Variants in TENM2 observed in about 807,000 individuals in gnomAD.
TENM2 encodes the protein teneurin transmembrane protein 2.
TENM2 carries 52 observed loss-of-function variants against 245.2 expected under a neutral mutation model. That is an observed-to-expected ratio of 0.21 (90% confidence interval 0.17 to 0.27). The LOEUF is 0.27. Ranked by LOEUF, TENM2 falls within the 10% of genes least tolerant of loss-of-function variation. The pLI, the probability that TENM2 is intolerant of heterozygous loss-of-function variation, is 1.00. For synonymous variants in TENM2, 1,363 were observed against 1,438.9 expected, an observed-to-expected ratio of 0.95 and a Z score of 1.19; for missense variants, 3,046 against 3,666.8, an observed-to-expected ratio of 0.83 and a Z score of 4.37.
chr5:168,091,122 G>C (rs1283453345), intron 8 of TENM2, among the ~76,000 whole-genome samples: 1 of 152,116 alleles, frequency 6.6e-6, no homozygotes, highest in East Asian at 1.9e-4. Context: ...TAGGGCCATT[G>C]TGGGGATTAA....
intron 3 of TENM2, among the ~76,000 whole-genome samples, chr5:167,882,985 C>CT (rs1242017129): frequency 2.0e-5 from 3 of 152,194 alleles, no homozygotes. Flanking sequence ...ATGTTAGAGG[C>CT]TCCCCAACTC....
the TENM2 span, among the ~76,000 whole-genome samples, chr5:166,980,493 A>T: frequency 1.3e-5 from 2 of 152,218 alleles, no homozygotes; most frequent in African/African-American, 4.8e-5. Context: ...TTAAAAATTA[A>T]TATACAACAG....
the TENM2 span, among the ~76,000 whole-genome samples, chr5:167,122,083 G>T: frequency 6.6e-6 from 1 of 152,126 alleles, no homozygotes; most frequent in South Asian, 2.1e-4. Context: ...TCAGATTTCT[G>T]CCCGTAGTAT....
At chr5:168,041,664 C>T (rs1314362454) in intron 5 of TENM2, among the ~76,000 whole-genome samples, 3 of 152,188 alleles carry the variant, frequency 2.0e-5, no homozygotes, top group African/African-American at 7.2e-5. Flanking sequence ...TTAGTTTCTA[C>T]ACCTGCCTCT....
At chr5:168,003,310 C>G (rs866536374) in intron 5 of TENM2, among the ~76,000 whole-genome samples, 3 of 64,666 alleles carry the variant, frequency 4.6e-5, no homozygotes, top group African/African-American at 2.6e-4. Context: ...AGAAAAAACA[C>G]ACACACACAC....
chr5:167,305,738 A>C (rs1228597040), intron 1 of TENM2, among the ~76,000 whole-genome samples: 1 of 152,228 alleles, frequency 6.6e-6, no homozygotes, highest in African/African-American at 2.4e-5. Context: ...GGATGAAATG[A>C]ACAGAAGGCA....
intron 2 of TENM2, among the ~76,000 whole-genome samples, chr5:167,675,519 G>T (rs969353536): frequency 6.6e-6 from 1 of 151,992 alleles, no homozygotes; most frequent in Non-Finnish European, 1.5e-5. Flanking sequence ...AGGACTGCCT[G>T]GCTTTAATCA....
At chr5:167,507,364 T>C (rs1346993413) in intron 2 of TENM2, among the ~76,000 whole-genome samples, 1 of 152,202 alleles carries the variant, frequency 6.6e-6, no homozygotes, top group Non-Finnish European at 1.5e-5. Flanking sequence ...GGATAGTGTT[T>C]TGTCAATATC....
At chr5:167,896,125 C>T (rs1775199846) in intron 3 of TENM2, among the ~76,000 whole-genome samples, 1 of 152,340 alleles carries the variant, frequency 6.6e-6, no homozygotes, top group South Asian at 2.1e-4. Flanking sequence ...TGGCACATCG[C>T]GGCCCTCCCC....
chr5:168,200,036 A>T, exon 17 of TENM2: 2 of 1,613,912 alleles, frequency 1.2e-6, no homozygotes, highest in Non-Finnish European at 1.7e-6. Context: ...CTCTTCCAGA[A>T]GTCATTCCAG....
At chr5:167,652,392 T>C (rs1385981015) in intron 2 of TENM2, among the ~76,000 whole-genome samples, 1 of 152,190 alleles carries the variant, frequency 6.6e-6, no homozygotes, top group Admixed American at 6.5e-5. Context: ...TTCTTCTTTA[T>C]TATTTTTATC....
At chr5:167,825,773 T>A (rs1247095322) in intron 2 of TENM2, among the ~76,000 whole-genome samples, 1 of 151,944 alleles carries the variant, frequency 6.6e-6, no homozygotes, top group African/African-American at 2.4e-5. Context: ...TAATATTTGT[T>A]GAAGTGACTG....
intron 2 of TENM2, among the ~76,000 whole-genome samples, chr5:167,471,393 G>C (rs1268682073): frequency 6.6e-6 from 1 of 151,994 alleles, no homozygotes; most frequent in African/African-American, 2.4e-5. Flanking sequence ...TTCTAAAAAG[G>C]AATAAAATAA....
chr5:167,225,329 G>A, the TENM2 span, among the ~76,000 whole-genome samples: 11 of 152,026 alleles, frequency 7.2e-5, no homozygotes, highest in South Asian at 6.2e-4. Context: ...TTATTTTGAG[G>A]TATGTTCGTT....
chr5:168,001,573 T>A (rs1324922671), intron 5 of TENM2, among the ~76,000 whole-genome samples: 1 of 152,226 alleles, frequency 6.6e-6, no homozygotes, highest in African/African-American at 2.4e-5. Flanking sequence ...CCACACAGAA[T>A]CTTTTGTGCT....
At chr5:168,074,232 A>G (rs1791267262) in intron 7 of TENM2, among the ~76,000 whole-genome samples, 1 of 152,114 alleles carries the variant, frequency 6.6e-6, no homozygotes. Context: ...GACATTCAAA[A>G]TATACTCCTT....
chr5:167,727,111 T>TTTTC (rs1554106397), intron 2 of TENM2, among the ~76,000 whole-genome samples: 10 of 135,236 alleles, frequency 7.4e-5, no homozygotes, highest in Non-Finnish European at 1.6e-4. Context: ...TTTCTTTTTT[T>TTTTC]TTTTTTTTTT....
chr5:167,480,195 T>C (rs1767667864), intron 2 of TENM2, among the ~76,000 whole-genome samples: 1 of 152,200 alleles, frequency 6.6e-6, no homozygotes, highest in Non-Finnish European at 1.5e-5. Context: ...CATCCCAGCC[T>C]AAGGCTTTCC....
chr5:167,700,949 TAA>T (rs781480259), intron 2 of TENM2, among the ~76,000 whole-genome samples: 6,446 of 79,680 alleles, frequency 0.081, 178 homozygotes, highest in South Asian at 0.11. Context: ...TTATATTTCT[TAA>T]AAAAAAAAAA....
Sources: allele counts gnomAD v4.1 joint callset (sites outside exome capture counted in the v4.1 genomes callset), GRCh38; gene constraint gnomAD v4.1.1; transcripts MANE v1.5; gene names NCBI Gene and HGNC (gene_info 2026-07-23, HGNC 2026-07-21).